Variants in NRF1 observed in about 807,000 individuals in gnomAD.
NRF1 encodes the protein nuclear respiratory factor 1.
Under a neutral mutation model 58.5 loss-of-function variants are expected in NRF1, and 5 were observed. The observed-to-expected ratio is 0.09, with a 90% CI of 0.04 to 0.18. NRF1 has a LOEUF of 0.18. Among genes scored for constraint, NRF1 ranks in the 10% least tolerant of loss-of-function variants. NRF1 has a pLI of 1.00. For synonymous variants in NRF1, 224 were observed against 246.7 expected, an observed-to-expected ratio of 0.91 and a Z score of 0.86; for missense variants, 288 against 657.7, an observed-to-expected ratio of 0.44 and a Z score of 6.15.
At chr7:129,671,827 C>T (rs1351450611) in intron 3 of NRF1, among the ~76,000 whole-genome samples, 7 of 151,980 alleles carry the variant, frequency 4.6e-5, no homozygotes, top group African/African-American at 7.3e-5. Context: ...AACAAATTGC[C>T]TTAAAGAGCT....
intron 5 of NRF1, 99 bp downstream of exon 5, chr7:129,690,645 CAGGGAGTGAGATGCTGACTGGAGTCTTGT>C: frequency 2.3e-6 from 3 of 1,293,014 alleles, no homozygotes; most frequent in Non-Finnish European, 3.3e-6. Context: ...GTGATCTGAC[CAGGGAGTGAGATGCTGACTGGAGTCTTGT>C]AGTGAAACAG....
intron 1 of NRF1, among the ~76,000 whole-genome samples, chr7:129,634,061 TACACACACAC>T (rs141834786): frequency 0.019 from 2,460 of 131,286 alleles, 44 homozygotes; most frequent in South Asian, 0.033. Context: ...TATATATATA[TACACACACAC>T]ACACACACAC....
rs1353826504 is a variant in NRF1 at position 129,713,088 on chromosome 7, G to A, written c.1065+1512G>A. Reference sequence around the variant, plus strand: ...ATATTTATAACATTAATGGAGTTGCGTTTCCTTTTTTTTTTTTTTTTTTCC... The same window carrying A: ...ATATTTATAACATTAATGGAGTTGCATTTCCTTTTTTTTTTTTTTTTTTCC... On this transcript the variant is annotated intron_variant, in intron 8 of 10. Transcript: ENST00000393232. 2.8e-5 allele frequency among the ~76,000 whole-genome samples: 4 copies of A among 140,420 alleles called. No individual in the cohort carries two copies. In the East Asian group the frequency reaches 6.5e-4, roughly 23 times the overall value. 92.1% of individuals were successfully genotyped at this position (140,420 alleles called of 152,430 possible).
intron 10 of NRF1, among the ~76,000 whole-genome samples, chr7:129,742,175 A>G (rs1414188332): frequency 6.6e-6 from 1 of 151,652 alleles, no homozygotes; most frequent in African/African-American, 2.4e-5. Context: ...TGTCAGCACA[A>G]TTGCCTGTGA....
chr7:129,664,857 G>A lies in NRF1; in HGVS notation c.224-6572G>A, dbSNP rs1801883779. On this transcript the variant is annotated intron_variant, in intron 2 of 10. Coordinates refer to ENST00000393232, the MANE Select transcript of NRF1 (RefSeq NM_005011.5). Reference sequence around the variant, plus strand: ...TAACCTATGTAGATACTATGCACAAGGCAGGCAAGAGTTTGCTTCTTAGGA... The same window carrying A: ...TAACCTATGTAGATACTATGCACAAAGCAGGCAAGAGTTTGCTTCTTAGGA... Among the ~76,000 whole-genome samples, 5 of 152,214 alleles carry A rather than the reference G, an allele frequency of 3.3e-5. No homozygotes were observed. The South Asian group carries it at 8.3e-4, about 25-fold the overall frequency.
intron 1 of NRF1, among the ~76,000 whole-genome samples, chr7:129,623,717 G>A (rs781240861): frequency 2.0e-5 from 3 of 152,092 alleles, no homozygotes; most frequent in African/African-American, 7.2e-5. Flanking sequence ...CTTAGTGACT[G>A]CATTTAGTAT....
intron 3 of NRF1, among the ~76,000 whole-genome samples, chr7:129,676,755 C>A (rs1802188955): frequency 1.3e-5 from 2 of 152,152 alleles, no homozygotes; most frequent in Non-Finnish European, 2.9e-5. Context: ...GATCAACTTG[C>A]TTGACATAGG....
chr7:129,738,602 T>C (rs1803776149), intron 10 of NRF1, among the ~76,000 whole-genome samples: 1 of 152,222 alleles, frequency 6.6e-6, no homozygotes, highest in African/African-American at 2.4e-5. Flanking sequence ...GCATAATTAT[T>C]TAGGGTCTTC....
intron 10 of NRF1, among the ~76,000 whole-genome samples, chr7:129,730,976 C>CA (rs60913727): frequency 0.039 from 4,863 of 125,024 alleles, 93 homozygotes; most frequent in African/African-American, 0.069. Context: ...GACCCTGTCT[C>CA]AAAAAAAAAA....
chr7:129,614,701 C>G (rs1800625832), intron 1 of NRF1, among the ~76,000 whole-genome samples: 1 of 152,088 alleles, frequency 6.6e-6, no homozygotes, highest in South Asian at 2.1e-4. Flanking sequence ...GGGCCCTTGT[C>G]CAGATATAGA....
intron 10 of NRF1, chr7:129,735,138 T>C (rs1803676237): frequency 1.0e-6 from 1 of 985,462 alleles, no homozygotes; most frequent in Non-Finnish European, 1.2e-6. Flanking sequence ...TGGTCAGCAC[T>C]GAAGACTCAG....
At chr7:129,696,515 A>T (rs1236779994) in intron 5 of NRF1, among the ~76,000 whole-genome samples, 2 of 152,240 alleles carry the variant, frequency 1.3e-5, no homozygotes, top group East Asian at 3.8e-4. Context: ...GATATAGCTT[A>T]TAGCCATAAA....
chr7:129,626,481 T>C (rs1373595542), intron 1 of NRF1, among the ~76,000 whole-genome samples: 1 of 152,216 alleles, frequency 6.6e-6, no homozygotes, highest in Non-Finnish European at 1.5e-5. Context: ...ATCTTTGTCA[T>C]TGGTGATTGA....
chr7:129,667,780 T>C (rs940046112), intron 2 of NRF1, among the ~76,000 whole-genome samples: 1 of 109,664 alleles, frequency 9.1e-6, no homozygotes, highest in African/African-American at 3.2e-5. Context: ...TATTTATTTA[T>C]TTATTAGAGA....
chr7:129,614,337 A>G (rs969945467), intron 1 of NRF1, among the ~76,000 whole-genome samples: 37 of 152,114 alleles, frequency 2.4e-4, no homozygotes, highest in African/African-American at 8.4e-4. Flanking sequence ...GCTGGTCTCG[A>G]ACTTCTGACC....
At chr7:129,715,373 G>C (rs1803163280) in intron 8 of NRF1, among the ~76,000 whole-genome samples, 1 of 152,166 alleles carries the variant, frequency 6.6e-6, no homozygotes, top group Non-Finnish European at 1.5e-5. Flanking sequence ...TGTAGGCCTA[G>C]CAAACCTGGA....
chr7:129,699,685 C>T (rs1301539276), intron 5 of NRF1, among the ~76,000 whole-genome samples: 1 of 150,856 alleles, frequency 6.6e-6, no homozygotes, highest in Non-Finnish European at 1.5e-5. Context: ...GAGCCGAGAT[C>T]GCGCCACTGC....
chr7:129,659,265 G>T (rs899587026), intron 2 of NRF1, among the ~76,000 whole-genome samples: 6 of 151,978 alleles, frequency 3.9e-5, no homozygotes, highest in African/African-American at 1.5e-4. Flanking sequence ...TTTTAGTAGA[G>T]ATGGGGTTTC....
intron 6 of NRF1, 152 bp downstream of exon 6, chr7:129,709,385 T>C (rs1010421613): frequency 3.2e-5 from 17 of 535,728 alleles, no homozygotes; most frequent in African/African-American, 2.9e-4. Context: ...TTTATAGCCT[T>C]TTCCATTTGT....
Sources: gnomAD v4.1 joint callset for allele counts (sites outside exome capture counted in the v4.1 genomes callset) on GRCh38, gnomAD v4.1.1 for gene constraint, MANE v1.5 for transcripts, NCBI Gene and HGNC (gene_info 2026-07-23, HGNC 2026-07-21) for gene names.